Variants in PUS10 observed in about 807,000 individuals in gnomAD.
PUS10 encodes the protein tRNA pseudouridine synthase Pus10.
In PUS10, 59 loss-of-function variants were observed where a neutral mutation model predicts 75.0. That is an observed-to-expected ratio of 0.79 (90% confidence interval 0.64 to 0.98). The LOEUF (loss-of-function observed/expected upper bound fraction) is 0.98, where lower values mean the gene tolerates loss of function less well. Among genes scored for constraint, PUS10 ranks in the 50% least tolerant of loss-of-function variants. The probability of loss-of-function intolerance (pLI) is 0.00; values close to 1 mark genes in which losing one functional copy is unlikely to be tolerated. For missense variants in PUS10, 650 were observed against 614.4 expected (o/e 1.06, Z -0.61); for synonymous variants, 219 against 211.6 (o/e 1.03, Z -0.30).
At chr2:60,973,402 C>T (rs1223864049) in intron 4 of PUS10, among the ~76,000 whole-genome samples, 1 of 152,272 alleles carries the variant, frequency 6.6e-6, no homozygotes, top group Non-Finnish European at 1.5e-5. Flanking sequence ...TCTGCTCCCG[C>T]TCCCTGACCT....
At chr2:60,986,737 T>C (rs1191502891) in intron 4 of PUS10, among the ~76,000 whole-genome samples, 2 of 152,192 alleles carry the variant, frequency 1.3e-5, no homozygotes, top group African/African-American at 4.8e-5. Flanking sequence ...TTCCAGGGAC[T>C]TGCCTAAGTA....
chr2:61,017,965 C>G (rs972191788), intron 1 of PUS10, 43 bp downstream of exon 1: 7 of 1,343,924 alleles, frequency 5.2e-6, no homozygotes, highest in Non-Finnish European at 7.2e-6. Context: ...TAACCAATAC[C>G]CAACCTTGGG....
At chr2:60,999,542 C>T (rs1678709989) in intron 4 of PUS10, among the ~76,000 whole-genome samples, 1 of 152,108 alleles carries the variant, frequency 6.6e-6, no homozygotes, top group Non-Finnish European at 1.5e-5. Context: ...TTACTTGAGC[C>T]TAAGAGGTCA....
At chr2:60,970,745 C>T (rs1212649522) in intron 5 of PUS10, among the ~76,000 whole-genome samples, 5 of 152,132 alleles carry the variant, frequency 3.3e-5, no homozygotes, top group African/African-American at 9.7e-5. Context: ...CACTTTTGGC[C>T]TCCAAGTGTT....
intron 17 of PUS10, among the ~76,000 whole-genome samples, chr2:60,942,929 G>A (rs1674703596): frequency 1.3e-5 from 2 of 151,620 alleles, no homozygotes; most frequent in South Asian, 4.2e-4. Flanking sequence ...TACTCAGGAA[G>A]CTGAGGCAGG....
chr2:60,981,926 A>T (rs1370953528), intron 4 of PUS10, among the ~76,000 whole-genome samples: 1 of 152,136 alleles, frequency 6.6e-6, no homozygotes, highest in Non-Finnish European at 1.5e-5. Context: ...GGGTTGCTAG[A>T]CCACACTTTG....
intron 17 of PUS10, among the ~76,000 whole-genome samples, chr2:60,942,782 T>C (rs1227621126): frequency 6.6e-6 from 1 of 152,142 alleles, no homozygotes; most frequent in African/African-American, 2.4e-5. Flanking sequence ...ATCAATTATA[T>C]AGATCAACAT....
intron 11 of PUS10, among the ~76,000 whole-genome samples, chr2:60,957,579 G>C (rs145224000): frequency 5.7e-4 from 87 of 152,382 alleles, no homozygotes; most frequent in African/African-American, 2.0e-3. Context: ...TGGGTCTCAC[G>C]GGAGATTAAG....
chr2:60,976,189 T>A (rs1677024363), intron 4 of PUS10, among the ~76,000 whole-genome samples: 1 of 152,278 alleles, frequency 6.6e-6, no homozygotes, highest in Admixed American at 6.5e-5. Context: ...TCCTGGCAAA[T>A]ACTGAATAAA....
At position 60,940,979 on chromosome 2, in the gene PUS10, C is replaced by G. The variant is rs932096129; in HGVS notation, c.*1416G>C. 1 of 152,192 alleles carries G rather than the reference C, an allele frequency of 6.6e-6. No homozygotes were observed. The highest frequency in any genetic ancestry group is 1.5e-5 in the Non-Finnish European group (1 of 67,980). 9.4% of individuals were successfully genotyped at this position (152,192 alleles called of 1,614,324 possible). ...CTTTGTGTCCATTAAAACCATTTTCCTCATATCTAAAGTGAATCTTGGTAT... is the reference window on the plus strand; with the variant it reads ...CTTTGTGTCCATTAAAACCATTTTCGTCATATCTAAAGTGAATCTTGGTAT... On this transcript the variant is annotated 3_prime_UTR_variant, in exon 18 of 18. Coordinates refer to ENST00000316752, the MANE Select transcript of PUS10 (RefSeq NM_144709.4).
intron 9 of PUS10, among the ~76,000 whole-genome samples, chr2:60,961,857 A>T (rs1161515015): frequency 2.6e-5 from 4 of 152,254 alleles, no homozygotes; most frequent in South Asian, 2.1e-4. Context: ...GGAAAAATCC[A>T]TACATAGGAA....
intron 2 of PUS10, among the ~76,000 whole-genome samples, 188 bp from the exon 3 acceptor site, chr2:61,009,203 T>C (rs193200648): frequency 9.5e-4 from 144 of 152,296 alleles, no homozygotes; most frequent in Non-Finnish European, 6.2e-4. Flanking sequence ...AAAAGAGAAT[T>C]ACCTATCTCT....
At chr2:60,945,244 T>A in intron 16 of PUS10, 136 bp from the exon 17 acceptor site, 1 of 567,838 alleles carries the variant, frequency 1.8e-6, no homozygotes, top group Non-Finnish European at 3.1e-6. Context: ...TTGTGTGTCT[T>A]AAAAAATAAG....
intron 11 of PUS10, 133 bp downstream of exon 11, chr2:60,960,259 G>A (rs1021193944): frequency 2.9e-5 from 17 of 592,008 alleles, no homozygotes; most frequent in Middle Eastern, 4.8e-4. Flanking sequence ...TGGGCAGATC[G>A]TTTGAGCCCA....
At chr2:60,973,998 T>C (rs1484650226) in intron 4 of PUS10, among the ~76,000 whole-genome samples, 1 of 152,038 alleles carries the variant, frequency 6.6e-6, no homozygotes, top group Non-Finnish European at 1.5e-5. Flanking sequence ...CTTTCCTCTC[T>C]GCTCAGAGCT....
At chr2:60,954,993 T>C in intron 12 of PUS10, 25 bp downstream of exon 12, 1 of 1,465,476 alleles carries the variant, frequency 6.8e-7, no homozygotes, top group Non-Finnish European at 9.4e-7. Context: ...TTAGTTCTAA[T>C]CAGGTGATGC....
intron 4 of PUS10, among the ~76,000 whole-genome samples, chr2:60,996,527 T>C (rs73932675): frequency 0.09 from 13,657 of 151,526 alleles, 2,037 homozygotes; most frequent in African/African-American, 0.31. Context: ...AAAGGTAATA[T>C]CCACGGAGCC....
At chr2:60,987,901 G>A (rs1677821678) in intron 4 of PUS10, among the ~76,000 whole-genome samples, 1 of 150,842 alleles carries the variant, frequency 6.6e-6, no homozygotes, top group Admixed American at 6.6e-5. Context: ...CCAGCCTGGG[G>A]GACACAGAGA....
intron 4 of PUS10, among the ~76,000 whole-genome samples, chr2:61,004,020 G>A (rs1251049510): frequency 6.6e-6 from 1 of 152,168 alleles, no homozygotes; most frequent in East Asian, 1.9e-4. Flanking sequence ...ATATTCTGGT[G>A]TGAATTATGA....
Sources: allele counts gnomAD v4.1 joint callset (sites outside exome capture counted in the v4.1 genomes callset), GRCh38; gene constraint gnomAD v4.1.1; transcripts MANE v1.5; gene names NCBI Gene and HGNC (gene_info 2026-07-23, HGNC 2026-07-21).